The following BMERB1 variants were observed in gnomAD, a reference collection of about 807,000 sequenced individuals.
BMERB1 encodes bMERB domain containing 1.
Under a neutral mutation model 23.6 loss-of-function variants are expected in BMERB1, and 12 were observed. The observed-to-expected ratio is 0.51, with a 90% CI of 0.33 to 0.82. The LOEUF is 0.82. Ranked by LOEUF, BMERB1 falls within the 40% of genes least tolerant of loss-of-function variation. BMERB1 has a pLI of 0.03. For missense variants in BMERB1, 247 were observed against 255.4 expected (o/e 0.97, Z 0.22); for synonymous variants, 122 against 96.6 (o/e 1.26, Z -1.54).
chr16:15,581,320 C>G lies in BMERB1; in HGVS notation c.408C>G (p.Val136=). The change falls in exon 4 of 6, where the codon GTC becomes GTG. Residue 136 remains valine, a synonymous_variant. Coordinates refer to ENST00000300006, the MANE Select transcript of BMERB1 (RefSeq NM_033201.3). The part of the protein sequence containing the change: ...KRDFLVDDAE[V]ERLREQEEDK... Reference sequence around the variant, plus strand: ...ACTTCCTGGTGGACGATGCGGAGGTCGAGCGGTTAAGGTGAGTGCACTGCG... The same window carrying G: ...ACTTCCTGGTGGACGATGCGGAGGTGGAGCGGTTAAGGTGAGTGCACTGCG... 6.2e-7 allele frequency: 1 copy of G among 1,613,810 alleles called. No homozygotes were observed. Among genetic ancestry groups the G allele is most frequent in the Non-Finnish European group, 8.5e-7 (1 of 1,179,914 alleles).
At chr16:15,445,801 G>C (rs2050984051) in intron 1 of BMERB1, among the ~76,000 whole-genome samples, 1 of 152,124 alleles carries the variant, frequency 6.6e-6, no homozygotes, top group Non-Finnish European at 1.5e-5. Context: ...ATGAGAGCAA[G>C]TGTCTCTACA....
At chr16:15,508,312 G>A (rs993712133) in intron 1 of BMERB1, among the ~76,000 whole-genome samples, 1 of 152,110 alleles carries the variant, frequency 6.6e-6, no homozygotes, top group African/African-American at 2.4e-5. Flanking sequence ...GAAGGGGTTG[G>A]CCAACTTTTT....
intron 4 of BMERB1, among the ~76,000 whole-genome samples, chr16:15,581,795 A>G (rs775197206): frequency 3.1e-4 from 47 of 152,156 alleles, no homozygotes; most frequent in Non-Finnish European, 5.6e-4. Context: ...TTCTCTTTGC[A>G]TCTGCTGCCT....
intron 1 of BMERB1, among the ~76,000 whole-genome samples, chr16:15,470,946 C>G (rs536472533): frequency 3.4e-5 from 5 of 147,584 alleles, no homozygotes; most frequent in Non-Finnish European, 5.9e-5. Context: ...AAGTGCTTCT[C>G]CTGCCTCAGA....
In BMERB1 at chr16:15,480,606, CTTTTTTTTTTTTT is replaced by C. The variant is rs1159247360; in HGVS notation, c.107-34686_107-34674del. Among the ~76,000 whole-genome samples, 11 of 58,964 alleles carry C rather than the reference CTTTTTTTTTTTTT, an allele frequency of 1.9e-4. 1 individual carries two copies. The highest frequency in any genetic ancestry group is 7.3e-4 in the African/African-American group (11 of 15,050). 38.7% of individuals were successfully genotyped at this position (58,964 alleles called of 152,430 possible). On this transcript the variant is annotated intron_variant, in intron 1 of 5. Transcript: ENST00000300006. ...TTCATCCATATGCCAATTCCACTGT[CTTTTTTTTTTTTT>C]TTTTTTTTTTTTGAGACAGAGTCTC...
chr16:15,492,012 A>G (rs1037249151), intron 1 of BMERB1, among the ~76,000 whole-genome samples: 2 of 152,162 alleles, frequency 1.3e-5, no homozygotes, highest in Non-Finnish European at 2.9e-5. Context: ...TGTGGCGGGC[A>G]TGTTGAATAA....
chr16:15,522,023 G>A lies in BMERB1; in HGVS notation c.230+6595G>A, dbSNP rs147765732. On this transcript the variant is annotated intron_variant, in intron 2 of 5. Transcript: ENST00000300006. ...ATTCTTCTTGCAGCCCCTCTGGCTC[G>A]CTTCAGCTTTTCCACATCTAGTCTA... Among the ~76,000 whole-genome samples the A allele has an allele frequency of 2.6e-3, 402 of 152,194 alleles. 2 individuals are homozygous for A. The highest frequency in any genetic ancestry group is 6.8e-3 in the Middle Eastern group (2 of 294).
intron 1 of BMERB1, among the ~76,000 whole-genome samples, chr16:15,449,768 A>G (rs1434909476): frequency 1.3e-5 from 2 of 151,386 alleles, no homozygotes; most frequent in African/African-American, 2.4e-5. Context: ...CTGGTCTCGA[A>G]CTCCTGACTT....
chr16:15,498,265 A>T (rs889873221), intron 1 of BMERB1, among the ~76,000 whole-genome samples: 1 of 152,078 alleles, frequency 6.6e-6, no homozygotes, highest in African/African-American at 2.4e-5. Context: ...GGCTGTGTGC[A>T]GTGGCTCATG....
At chr16:15,501,353 C>T (rs2051528281) in intron 1 of BMERB1, among the ~76,000 whole-genome samples, 1 of 140,944 alleles carries the variant, frequency 7.1e-6, no homozygotes, top group South Asian at 2.2e-4. Context: ...AGTGCAGTGA[C>T]TCGATCTTGG....
chr16:15,464,746 T>C (rs1368875739), intron 1 of BMERB1, among the ~76,000 whole-genome samples: 2 of 152,162 alleles, frequency 1.3e-5, no homozygotes, highest in Non-Finnish European at 1.5e-5. Flanking sequence ...TAGTGTATAA[T>C]GAGCAGTGAG....
chr16:15,515,388 C>A lies in BMERB1; in HGVS notation c.190C>A (p.Arg64=). 1 of 1,613,926 alleles carries A rather than the reference C, an allele frequency of 6.2e-7. No homozygotes were observed. The highest frequency in any genetic ancestry group is 8.5e-7 in the Non-Finnish European group (1 of 1,179,986). The change falls in exon 2 of 6, where the codon CGG becomes AGG. Residue 64 remains arginine, a synonymous_variant. Transcript: ENST00000300006. The stretch of plus-strand genomic sequence containing the variant: ...GGAGATGGCAAAAATTCAGCGTCTC[C>A]GGGAAGTCTTGGTCCGCCGGGAGTC... ...ELEMAKIQRL[R]EVLVRRESEL...
At chr16:15,535,159 G>T (rs1297280237) in intron 2 of BMERB1, among the ~76,000 whole-genome samples, 2 of 151,922 alleles carry the variant, frequency 1.3e-5, no homozygotes, top group African/African-American at 2.4e-5. Context: ...AGACCAGCTT[G>T]GGCAACATAG....
At chr16:15,572,247 A>G (rs1177792056) in intron 3 of BMERB1, among the ~76,000 whole-genome samples, 2 of 151,984 alleles carry the variant, frequency 1.3e-5, no homozygotes, top group East Asian at 1.9e-4. Context: ...TACCCCCCGC[A>G]TGGTTGTTGT....
chr16:15,582,734 A>G (rs1339047458), intron 4 of BMERB1, among the ~76,000 whole-genome samples: 1 of 152,142 alleles, frequency 6.6e-6, no homozygotes, highest in African/African-American at 2.4e-5. Flanking sequence ...GCAGTTCAGC[A>G]AGTCTGCACC....
intron 2 of BMERB1, among the ~76,000 whole-genome samples, chr16:15,546,813 C>G (rs2029932243): frequency 6.6e-6 from 1 of 152,146 alleles, no homozygotes; most frequent in Admixed American, 6.6e-5. Flanking sequence ...GGACTTCCTT[C>G]ACACTCCCAA....
At chr16:15,505,615 C>T (rs933812295) in intron 1 of BMERB1, among the ~76,000 whole-genome samples, 3 of 152,126 alleles carry the variant, frequency 2.0e-5, no homozygotes, top group Admixed American at 6.6e-5. Flanking sequence ...GTCGGCCAAG[C>T]GCAGTGGCTC....
intron 2 of BMERB1, among the ~76,000 whole-genome samples, chr16:15,563,426 A>G (rs1423921665): frequency 1.3e-5 from 2 of 151,928 alleles, no homozygotes; most frequent in Non-Finnish European, 2.9e-5. Flanking sequence ...TCACCATGTT[A>G]GACAGGATGG....
Position 15,454,952 on chromosome 16 carries a change from C to CT in BMERB1, c.106+20196dup, listed in dbSNP as rs1204604163. Among the ~76,000 whole-genome samples the CT allele has an allele frequency of 3.3e-5, 5 of 152,110 alleles. No individual in the cohort carries two copies. The East Asian group carries it at 9.7e-4, about 29-fold the overall frequency. ...AATTTGGCTATACAGGTAATGAATA[C>CT]TTTGTGAGAAATCACACTCTGTGGT... On this transcript the variant is annotated intron_variant, in intron 1 of 5. Coordinates refer to ENST00000300006, the MANE Select transcript of BMERB1 (RefSeq NM_033201.3).
Sources: allele counts gnomAD v4.1 joint callset (sites outside exome capture counted in the v4.1 genomes callset), GRCh38; gene constraint gnomAD v4.1.1; transcripts MANE v1.5; gene names NCBI Gene and HGNC (gene_info 2026-07-23, HGNC 2026-07-21).